PRDM13: variants seen among roughly 807,000 people sequenced by gnomAD.
The protein encoded by PRDM13 is PR domain zinc finger protein 13.
PRDM13 carries 15 observed loss-of-function variants against 36.4 expected under a neutral mutation model. The ratio of observed to expected loss-of-function variants is 0.41; its 90% CI spans 0.28 to 0.64. The LOEUF (loss-of-function observed/expected upper bound fraction) is 0.64. Ranked by LOEUF, PRDM13 falls within the 30% of genes least tolerant of loss-of-function variation. The probability of loss-of-function intolerance (pLI) is 0.29; values close to 1 mark genes in which losing one functional copy is unlikely to be tolerated. For missense variants in PRDM13, 1,044 were observed against 1,013.5 expected (o/e 1.03, Z -0.41); for synonymous variants, 531 against 467.7 (o/e 1.14, Z -1.75).
At chr6:99,610,866 C>G (rs1308162611) in intron 3 of PRDM13, among the ~76,000 whole-genome samples, 2 of 152,116 alleles carry the variant, frequency 1.3e-5, no homozygotes, top group African/African-American at 4.8e-5. Flanking sequence ...AATAGCGGTC[C>G]TTGTGTTTTC....
chr6:99,615,540 G>T lies in PRDM13; in HGVS notation c.*781G>T, dbSNP rs1482965056. ...TGGTTCCAGATTGTGCAATCTTTAA[G>T]AAAAATAAAGATACAAACGAGAGTT... On this transcript the variant is annotated 3_prime_UTR_variant, in exon 4 of 4. Transcript: ENST00000369215. 6.6e-6 allele frequency: 1 copy of T among 152,532 alleles called. No individual in the cohort carries two copies. Among genetic ancestry groups the T allele is most frequent in the African/African-American group, 2.4e-5 (1 of 41,448 alleles). The allele number at this position is 152,532 out of a possible 1,614,324, so 9.4% of individuals were successfully genotyped here.
Position 99,613,246 on chromosome 6 carries a change from A to G in PRDM13, c.611A>G (p.Gln204Arg), listed in dbSNP as rs1770058705. The G allele has an allele frequency of 1.2e-6, 2 of 1,609,960 alleles. No individual in the cohort carries two copies. The highest frequency in any genetic ancestry group is 1.7e-6 in the Non-Finnish European group (2 of 1,179,038). The change falls in exon 4 of 4, where the codon CAG (glutamine) becomes CGG (arginine). Residue 204 changes from glutamine to arginine, a missense_variant. Physicochemically the swap from Gln to Arg is conservative, Grantham distance 43 (BLOSUM62 1). Transcript: ENST00000369215. This position sits in a 1 kb window ranked among gnomAD's most constrained non-coding sequence, Gnocchi z 6.1. Reference sequence around the variant, plus strand: ...GCGCCCGATTTCGCCGCGCCTTCCCAGGCAGGAACTTTGCGACCCCACCCC... The same window carrying G: ...GCGCCCGATTTCGCCGCGCCTTCCCGGGCAGGAACTTTGCGACCCCACCCC... ...PPAPDFAAPS[Q>R]AGTLRPHPLG...
chr6:99,606,855 G>C lies in PRDM13; in HGVS notation c.-180G>C. The C allele has an allele frequency of 1.3e-6, 1 of 799,464 alleles. No homozygotes were observed. Among genetic ancestry groups the C allele is most frequent in the Non-Finnish European group, 1.9e-6 (1 of 536,318 alleles). 49.5% of individuals were successfully genotyped at this position (799,464 alleles called of 1,614,324 possible). A position where few individuals can be genotyped will look rare whatever the true frequency, so the allele number is the denominator to read the frequency against. ...CAAACTCCGCGCCCTTGCGCTAGCG[G>C]TGCCAAAAGGCTCCCGCCCCGATTG... is the stretch of plus-strand genomic sequence containing the variant. On this transcript the variant is annotated 5_prime_UTR_variant, in exon 1 of 4. Coordinates refer to ENST00000369215, the MANE Select transcript of PRDM13 (RefSeq NM_021620.4).
Position 99,614,490 on chromosome 6 carries a change from C to T in PRDM13, c.1855C>T (p.His619Tyr). The T allele has an allele frequency of 6.2e-7, 1 of 1,613,408 alleles. No homozygotes were observed. Among genetic ancestry groups the T allele is most frequent in the Non-Finnish European group, 8.5e-7 (1 of 1,180,016 alleles). The change falls in exon 4 of 4, where the codon CAC (histidine) becomes TAC (tyrosine). Residue 619 changes from histidine (H) to tyrosine (Y), a missense_variant. His to Tyr is a moderately conservative substitution (Grantham distance 83). This residue lies in a region of PRDM13 where 8 missense variants were observed against 26.2 expected (regional missense o/e 0.31). Transcript: ENST00000369215. ...PFGDPSNLNK[H>Y]IRLHAEGNTP... ...CGGCGACCCCAGCAATCTCAACAAG[C>T]ACATCCGGCTGCACGCCGAGGGCAA...
chr6:99,608,435 GACAACTTGGT>G, intron 1 of PRDM13, among the ~76,000 whole-genome samples: 1 of 152,156 alleles, frequency 6.6e-6, no homozygotes, highest in Non-Finnish European at 1.5e-5. Context: ...TGGGGTAGGG[GACAACTTGGT>G]ACAAGATGTG....
chr6:99,608,967 T>C (rs1769993687), intron 2 of PRDM13, 95 bp downstream of exon 2: 2 of 1,487,784 alleles, frequency 1.3e-6, no homozygotes, highest in South Asian at 2.7e-5. Context: ...AAGAGCAAAG[T>C]ACTTTAGCTA....
chr6:99,611,279 A>T (rs1770027431), intron 3 of PRDM13, among the ~76,000 whole-genome samples: 1 of 152,132 alleles, frequency 6.6e-6, no homozygotes, highest in Non-Finnish European at 1.5e-5. Flanking sequence ...AAAAAAGCTT[A>T]TGTGGCTTTG....
chr6:99,608,313 T>A (rs1309067845), intron 1 of PRDM13, among the ~76,000 whole-genome samples: 5 of 152,008 alleles, frequency 3.3e-5, no homozygotes, highest in Non-Finnish European at 7.4e-5. Flanking sequence ...ACAGGAGGCA[T>A]GAGATAATTT....
In PRDM13 at chr6:99,613,271, C is replaced by G. The variant is rs775515947; in HGVS notation, c.636C>G (p.Pro212=). The G allele has an allele frequency of 3.6e-5, 58 of 1,595,998 alleles. No homozygotes were observed. In the African/African-American group the frequency reaches 6.7e-4, roughly 18 times the overall value. ...PSQAGTLRPH[P]LGPPPVQACG... ...AGGCAGGAACTTTGCGACCCCACCCCCTGGGCCCGCCACCAGTTCAGGCCT... is the reference window on the plus strand; with the variant it reads ...AGGCAGGAACTTTGCGACCCCACCCGCTGGGCCCGCCACCAGTTCAGGCCT... The change falls in exon 4 of 4, where the codon CCC becomes CCG. Residue 212 remains proline (P), a synonymous_variant. Coordinates refer to ENST00000369215, the MANE Select transcript of PRDM13 (RefSeq NM_021620.4). This position sits in a 1 kb window ranked among gnomAD's most constrained non-coding sequence, Gnocchi z 6.1.
intron 1 of PRDM13, among the ~76,000 whole-genome samples, chr6:99,608,085 T>A (rs768496160): frequency 2.6e-5 from 4 of 152,232 alleles, no homozygotes; most frequent in East Asian, 3.9e-4. Flanking sequence ...AAAGCTCCGG[T>A]GTCCAGCCAG....
At position 99,613,398 on chromosome 6, in the gene PRDM13, C is replaced by G. The variant is rs1241450751; in HGVS notation, c.763C>G (p.Leu255Val). The G allele has an allele frequency of 2.6e-6, 4 of 1,556,178 alleles. No homozygotes were observed. In the African/African-American group the frequency reaches 4.1e-5, roughly 16 times the overall value. Residue 255 changes from leucine (L) to valine (V), a missense_variant, in exon 4 of 4, where the codon CTG becomes GTG. By Grantham distance (32) the Leu-to-Val change is conservative (BLOSUM62 1). This residue lies in a region of PRDM13 where 921 missense variants were observed against 865.2 expected (regional missense o/e 1.06). Coordinates refer to ENST00000369215, the MANE Select transcript of PRDM13 (RefSeq NM_021620.4). The surrounding 1 kb of genome is among the most constrained non-coding windows in gnomAD (Gnocchi z 6.1). Reference protein sequence around the residue: ...WGQPKKGKEQLDRALDMSGAA... With the variant: ...WGQPKKGKEQVDRALDMSGAA... ...GCAGCCCAAGAAGGGCAAGGAGCAG[C>G]TGGACCGTGCCCTGGACATGAGCGG...
chr6:99,609,291 G>T lies in PRDM13; in HGVS notation c.381G>T (p.Pro127=). 6.2e-7 allele frequency: 1 copy of T among 1,614,046 alleles called. No individual in the cohort carries two copies. The highest frequency in any genetic ancestry group is 8.5e-7 in the Non-Finnish European group (1 of 1,180,006). ...QWFDIPTTAT[P]THDEKGEERY... Reference sequence around the variant, plus strand: ...TCGACATCCCCACCACAGCGACTCCGACTCACGACGAGAAAGGTACCCATT... The same window carrying T: ...TCGACATCCCCACCACAGCGACTCCTACTCACGACGAGAAAGGTACCCATT... The change falls in exon 3 of 4, where the codon CCG becomes CCT. Residue 127 remains proline (P), a synonymous_variant. Coordinates refer to ENST00000369215, the MANE Select transcript of PRDM13 (RefSeq NM_021620.4).
At chr6:99,608,966 G>A in intron 2 of PRDM13, 94 bp downstream of exon 2, 1 of 1,494,978 alleles carries the variant, frequency 6.7e-7, no homozygotes, top group South Asian at 1.3e-5. Context: ...TAAGAGCAAA[G>A]TACTTTAGCT....
Position 99,607,336 on chromosome 6 carries a change from T to C in PRDM13, c.144+158T>C, listed in dbSNP as rs576641732. On this transcript the variant is annotated intron_variant, in intron 1 of 3. Coordinates refer to ENST00000369215, the MANE Select transcript of PRDM13 (RefSeq NM_021620.4). ...CTCCTATTATTCTGAGCAAGTAGCC[T>C]CTTTAACTGTGAGAGCTGGACGGGG... 1.4e-4 allele frequency: 152 copies of C among 1,120,558 alleles called. No homozygotes were observed. The African/African-American group carries it at 2.3e-3, about 17-fold the overall frequency. The allele number at this position is 1,120,558 out of a possible 1,614,324, so 69.4% of individuals were successfully genotyped here.
At position 99,614,822 on chromosome 6, in the gene PRDM13, A is replaced by G. The variant is rs1489197728; in HGVS notation, c.*63A>G. Reference sequence around the variant, plus strand: ...GGAGTCGAGGGTTTATTCTCGCAGTAGAGGAACTCCTGGTGGTGGGAAGAG... The same window carrying G: ...GGAGTCGAGGGTTTATTCTCGCAGTGGAGGAACTCCTGGTGGTGGGAAGAG... On this transcript the variant is annotated 3_prime_UTR_variant, in exon 4 of 4. Coordinates refer to ENST00000369215, the MANE Select transcript of PRDM13 (RefSeq NM_021620.4). 1 of 1,509,220 alleles carries G rather than the reference A, an allele frequency of 6.6e-7. No individual in the cohort carries two copies. The highest frequency in any genetic ancestry group is 8.8e-7 in the Non-Finnish European group (1 of 1,130,426). 93.5% of individuals were successfully genotyped at this position (1,509,220 alleles called of 1,614,324 possible).
Position 99,613,122 on chromosome 6 carries a change from A to T in PRDM13, c.487A>T (p.Ser163Cys). 1 of 1,613,518 alleles carries T rather than the reference A, an allele frequency of 6.2e-7. No individual in the cohort carries two copies. The highest frequency in any genetic ancestry group is 2.2e-5 in the East Asian group (1 of 44,868). Residue 163 changes from serine to cysteine, a missense_variant, in exon 4 of 4, where the codon AGC (serine) becomes TGC (cysteine). By Grantham distance (112) the Ser-to-Cys change is moderately radical (BLOSUM62 -1). Coordinates refer to ENST00000369215, the MANE Select transcript of PRDM13 (RefSeq NM_021620.4). The surrounding 1 kb of genome is among the most constrained non-coding windows in gnomAD (Gnocchi z 6.1). ...KAHLRFHCVF[S>C]GGGGGAFLHH... ...ACACCTGCGTTTCCACTGCGTGTTCAGCGGCGGTGGAGGCGGCGCCTTCCT... is the reference window on the plus strand; with the variant it reads ...ACACCTGCGTTTCCACTGCGTGTTCTGCGGCGGTGGAGGCGGCGCCTTCCT...
At chr6:99,609,618 G>A (rs924435563) in intron 3 of PRDM13, among the ~76,000 whole-genome samples, 4 of 152,150 alleles carry the variant, frequency 2.6e-5, no homozygotes, top group Admixed American at 2.0e-4. Context: ...AGGCGCGGTA[G>A]CTCACACCTG....
In PRDM13 at chr6:99,614,726, C is replaced by A. The variant is rs779923058; in HGVS notation, c.2091C>A (p.Pro697=). The A allele has an allele frequency of 6.3e-7, 1 of 1,587,904 alleles. No individual in the cohort carries two copies. The highest frequency in any genetic ancestry group is 1.8e-5 in the Admixed American group (1 of 56,466). The change falls in exon 4 of 4, where the codon CCC becomes CCA. Residue 697 remains proline (P), a synonymous_variant. Transcript: ENST00000369215. ...DVCFTDDQSD[P]EVGGGGERDL is the part of the protein sequence containing the mutation. ...GCTTCACAGACGACCAGAGCGACCC[C>A]GAGGTTGGGGGCGGCGGGGAGCGCG...
rs202002402 is a variant in PRDM13 at position 99,613,035 on chromosome 6, G to T, written c.400G>T (p.Glu134Ter). The T allele has an allele frequency of 6.2e-7, 1 of 1,613,616 alleles. No individual in the cohort carries two copies. The highest frequency in any genetic ancestry group is 1.7e-5 in the Admixed American group (1 of 60,018). ...CTTTTCCATTCTTTCTTGCCCAGGGGAGGAGCGCTACATCTGCTGGTACTG... is the reference window on the plus strand; with the variant it reads ...CTTTTCCATTCTTTCTTGCCCAGGGTAGGAGCGCTACATCTGCTGGTACTG... The part of the protein sequence containing the change: ...TATPTHDEKG[E>*]ERYICWYCWR... Residue 134 changes from glutamate (E) to a stop codon, truncating the protein, a stop_gained and splice_region_variant, in exon 4 of 4, where the codon GAG (glutamate) becomes TAG (stop). Coordinates refer to ENST00000369215, the MANE Select transcript of PRDM13 (RefSeq NM_021620.4). LOFTEE classifies it low-confidence loss of function (END_TRUNC). This position sits in a 1 kb window ranked among gnomAD's most constrained non-coding sequence, Gnocchi z 6.1.
Sources: gnomAD v4.1 joint callset for allele counts (sites outside exome capture counted in the v4.1 genomes callset) on GRCh38, gnomAD v4.1.1 for gene constraint, gnomAD v4.1.1 regional missense constraint, Gnocchi (gnomAD v3.1) non-coding constraint, MANE v1.5 for transcripts, NCBI Gene and HGNC (gene_info 2026-07-23, HGNC 2026-07-21) for gene names.